EXOC5: variants seen among roughly 807,000 people sequenced by gnomAD.
The protein encoded by EXOC5 is exocyst complex component 5, also known as SEC10-like 1.
Under a neutral mutation model 90.8 loss-of-function variants are expected in EXOC5, and 17 were observed. That is an observed-to-expected ratio of 0.19 (90% CI 0.13 to 0.28). EXOC5 has a LOEUF of 0.28. Among genes scored for constraint, EXOC5 ranks in the 10% least tolerant of loss-of-function variants. EXOC5 has a pLI of 1.00. For missense variants in EXOC5, 569 were observed against 830.6 expected (o/e 0.69, Z 3.87); for synonymous variants, 260 against 270.0 (o/e 0.96, Z 0.36).
chr14:57,245,987 T>C (rs892459662), intron 3 of EXOC5, among the ~76,000 whole-genome samples: 4 of 151,484 alleles, frequency 2.6e-5, no homozygotes, highest in African/African-American at 7.3e-5. Context: ...GAGGTGGAGG[T>C]TGCAGTGAGC....
chr14:57,221,756 C>T (rs1410611111), intron 13 of EXOC5, among the ~76,000 whole-genome samples: 1 of 151,964 alleles, frequency 6.6e-6, no homozygotes, highest in African/African-American at 2.4e-5. Flanking sequence ...GGGAAAGGAA[C>T]AGGTTTAGAG....
intron 1 of EXOC5, among the ~76,000 whole-genome samples, chr14:57,267,342 A>G (rs1884701155): frequency 6.6e-6 from 1 of 152,208 alleles, no homozygotes. Context: ...TAACAATAAC[A>G]TATATTACTC....
At chr14:57,256,951 T>C (rs1884364776) in intron 1 of EXOC5, among the ~76,000 whole-genome samples, 2 of 152,154 alleles carry the variant, frequency 1.3e-5, no homozygotes, top group South Asian at 2.1e-4. Flanking sequence ...CCCTCATAAA[T>C]GTTCATCCAA....
chr14:57,252,187 C>T (rs1884216255), intron 1 of EXOC5, among the ~76,000 whole-genome samples: 1 of 152,176 alleles, frequency 6.6e-6, no homozygotes. Flanking sequence ...GAAGAGGAAA[C>T]ACTTCCTAAT....
At chr14:57,218,772 C>T (rs1181573583) in intron 14 of EXOC5, among the ~76,000 whole-genome samples, 1 of 152,046 alleles carries the variant, frequency 6.6e-6, no homozygotes, top group Non-Finnish European at 1.5e-5. Flanking sequence ...TATTTTTCCT[C>T]TTACATAATA....
At chr14:57,218,523 G>C (rs1454487229) in intron 14 of EXOC5, among the ~76,000 whole-genome samples, 1 of 151,988 alleles carries the variant, frequency 6.6e-6, no homozygotes, top group African/African-American at 2.4e-5. Flanking sequence ...TTAAAAACCA[G>C]ACAACCATAT....
intron 1 of EXOC5, among the ~76,000 whole-genome samples, chr14:57,268,065 CAA>C (rs1327311059): frequency 7.2e-6 from 1 of 138,638 alleles, no homozygotes; most frequent in African/African-American, 2.6e-5. Context: ...CTTTATTGTC[CAA>C]AAAAAAAAAA....
chr14:57,264,542 A>C (rs1481865891), intron 1 of EXOC5, among the ~76,000 whole-genome samples: 1 of 152,086 alleles, frequency 6.6e-6, no homozygotes, highest in Admixed American at 6.5e-5. Flanking sequence ...GGCATTTAGG[A>C]CCTCCAAAAT....
intron 11 of EXOC5, among the ~76,000 whole-genome samples, chr14:57,230,816 A>G (rs1273296970): frequency 2.6e-5 from 4 of 152,102 alleles, no homozygotes; most frequent in Non-Finnish European, 5.9e-5. Context: ...CAAGGTACTT[A>G]AACTACAAAC....
chr14:57,222,435 A>G lies in EXOC5; in HGVS notation c.1297-19T>C. ...CAGAGAGCTTAAAAACAAAAATCAA[A>G]CAATATCACTCCTCAAGTCTACCTT... On this transcript the variant is annotated intron_variant, in intron 12 of 17. Coordinates refer to ENST00000621441, the MANE Select transcript of EXOC5 (RefSeq NM_006544.4). 1 of 1,370,894 alleles carries G rather than the reference A, an allele frequency of 7.3e-7. No homozygotes were observed. The highest frequency in any genetic ancestry group is 1.0e-6 in the Non-Finnish European group (1 of 971,562). The allele number at this position is 1,370,894 out of a possible 1,614,324, so 84.9% of individuals were successfully genotyped here. A position where few individuals can be genotyped will look rare whatever the true frequency, so the allele number is the denominator to read the frequency against.
chr14:57,265,867 A>T (rs941438001), intron 1 of EXOC5, among the ~76,000 whole-genome samples: 4 of 152,250 alleles, frequency 2.6e-5, no homozygotes, highest in African/African-American at 9.6e-5. Context: ...TTTCAGAAAG[A>T]TCTGTCAACA....
chr14:57,248,614 G>C (rs1197032376), intron 1 of EXOC5, among the ~76,000 whole-genome samples: 4 of 151,864 alleles, frequency 2.6e-5, no homozygotes, highest in African/African-American at 9.7e-5. Context: ...ACATTTTTTA[G>C]ACTAATACAC....
At chr14:57,260,793 T>G (rs1175600721) in intron 1 of EXOC5, among the ~76,000 whole-genome samples, 2 of 152,200 alleles carry the variant, frequency 1.3e-5, no homozygotes, top group Non-Finnish European at 2.9e-5. Flanking sequence ...TAAACCAGGA[T>G]TCTAACCCAG....
In EXOC5 at chr14:57,239,701, A is replaced by T. The variant is rs770505771; in HGVS notation, c.466-42T>A. 1.1e-5 allele frequency: 13 copies of T among 1,207,156 alleles called. No homozygotes were observed. In the African/African-American group the frequency reaches 2.0e-4, roughly 19 times the overall value. 74.8% of individuals were successfully genotyped at this position (1,207,156 alleles called of 1,614,324 possible). ...AAAAGCAATAATTTAAAAAACTTTTAGGCATATCAAAAAATAATTATATAT... is the reference window on the plus strand; with the variant it reads ...AAAAGCAATAATTTAAAAAACTTTTTGGCATATCAAAAAATAATTATATAT... On this transcript the variant is annotated intron_variant, in intron 4 of 17. Transcript: ENST00000621441.
intron 9 of EXOC5, 24 bp from the exon 10 acceptor site, chr14:57,232,773 TGTTA>T: frequency 9.1e-7 from 1 of 1,103,414 alleles, no homozygotes; most frequent in East Asian, 2.4e-5. Flanking sequence ...GTTAACATTC[TGTTA>T]ATTAGGTAAA....
At chr14:57,230,104 A>G (rs1883437306) in intron 11 of EXOC5, among the ~76,000 whole-genome samples, 2 of 152,144 alleles carry the variant, frequency 1.3e-5, no homozygotes, top group African/African-American at 4.8e-5. Context: ...TAATTTCTGA[A>G]GTTGCTTTAC....
chr14:57,252,331 T>C (rs926204694), intron 1 of EXOC5, among the ~76,000 whole-genome samples: 2 of 152,108 alleles, frequency 1.3e-5, no homozygotes, highest in African/African-American at 4.8e-5. Flanking sequence ...CCAAATTCCA[T>C]AGCATTATTA....
chr14:57,217,919 T>C (rs1441647746), intron 15 of EXOC5, 63 bp downstream of exon 15: 1 of 795,142 alleles, frequency 1.3e-6, no homozygotes, highest in Non-Finnish European at 2.2e-6. Flanking sequence ...AGTATTTTCA[T>C]GCTGCTATAA....
chr14:57,223,690 G>A (rs1225823686), intron 12 of EXOC5, among the ~76,000 whole-genome samples: 1 of 152,000 alleles, frequency 6.6e-6, no homozygotes. Flanking sequence ...TAAGGATATA[G>A]AAGACTTGAA....
Sources: allele counts gnomAD v4.1 joint callset (sites outside exome capture counted in the v4.1 genomes callset), GRCh38; gene constraint gnomAD v4.1.1; transcripts MANE v1.5; gene names NCBI Gene and HGNC (gene_info 2026-07-23, HGNC 2026-07-21).